CCDC178: variants seen among roughly 807,000 people sequenced by gnomAD.
CCDC178 encodes the protein coiled-coil domain-containing protein 178.
CCDC178 carries 126 observed loss-of-function variants against 117.4 expected under a neutral mutation model. The ratio of observed to expected loss-of-function variants is 1.07; its 90% CI spans 0.93 to 1.24. The LOEUF (loss-of-function observed/expected upper bound fraction) is 1.24. Ranked by LOEUF, CCDC178 falls within the 50% of genes most tolerant of loss-of-function variation. CCDC178 has a pLI of 0.00. For missense variants in CCDC178, 1,030 were observed against 986.9 expected, an observed-to-expected ratio of 1.04 and a Z score of -0.59; for synonymous variants, 283 against 313.4, an observed-to-expected ratio of 0.90 and a Z score of 1.02.
intron 20 of CCDC178, among the ~76,000 whole-genome samples, chr18:33,125,100 C>G (rs545731623): frequency 5.9e-4 from 89 of 152,130 alleles, no homozygotes; most frequent in African/African-American, 2.1e-3. Context: ...TAGTGGGTAT[C>G]TATTTCCCAG....
intron 20 of CCDC178, among the ~76,000 whole-genome samples, chr18:33,126,290 G>T (rs1466046028): frequency 1.3e-5 from 2 of 149,988 alleles, no homozygotes; most frequent in Non-Finnish European, 1.5e-5. Context: ...ACAGTATGTA[G>T]TATTATTTGG....
chr18:33,330,084 A>G (rs1359311395), intron 10 of CCDC178, among the ~76,000 whole-genome samples: 1 of 151,382 alleles, frequency 6.6e-6, no homozygotes, highest in East Asian at 1.9e-4. Context: ...ATTTGTTGGC[A>G]AGAATTTTTA....
chr18:32,953,319 ATTTTGG>A lies in CCDC178; in HGVS notation c.2524-15234_2524-15229del, dbSNP rs552497044. On this transcript the variant is annotated intron_variant, in intron 22 of 22. Coordinates refer to ENST00000383096, the MANE Select transcript of CCDC178 (RefSeq NM_001105528.4). Reference sequence around the variant, plus strand: ...CTTCATTGTCTATATCATTATCAGCATTTTGGTCCAAGCCATTCAACAAGTCTCTAG... The same window carrying A: ...CTTCATTGTCTATATCATTATCAGCATCCAAGCCATTCAACAAGTCTCTAG... Among the ~76,000 whole-genome samples the A allele has an allele frequency of 2.6e-4, 39 of 152,284 alleles. No individual in the cohort carries two copies. The Middle Eastern group carries it at 0.01, about 40-fold the overall frequency.
At chr18:33,285,090 C>T (rs891385284) in intron 12 of CCDC178, among the ~76,000 whole-genome samples, 2 of 151,906 alleles carry the variant, frequency 1.3e-5, no homozygotes, top group Non-Finnish European at 2.9e-5. Flanking sequence ...ATCTAAAAAT[C>T]GTTTCTTTTT....
At chr18:33,023,305 A>G (rs2056159668) in intron 21 of CCDC178, among the ~76,000 whole-genome samples, 1 of 152,180 alleles carries the variant, frequency 6.6e-6, no homozygotes, top group Admixed American at 6.5e-5. Context: ...CCCATGGAAC[A>G]TATACTATGA....
chr18:33,196,228 C>A (rs466500), intron 20 of CCDC178, among the ~76,000 whole-genome samples: 24,492 of 152,060 alleles, frequency 0.16, 2,748 homozygotes, highest in African/African-American at 0.32. Flanking sequence ...TAAAGGTCAG[C>A]CACAGGGGCA....
At chr18:33,393,333 A>T (rs9953606) in intron 4 of CCDC178, among the ~76,000 whole-genome samples, 2,370 of 152,314 alleles carry the variant, frequency 0.016, 59 homozygotes, top group African/African-American at 0.053. Context: ...ATACATAAAA[A>T]TGTTTTAATG....
rs114684318 is a variant in CCDC178, at chr18:32,990,161, C to A, written c.2389-15480G>T. On this transcript the variant is annotated intron_variant, in intron 21 of 22. Coordinates refer to ENST00000383096, the MANE Select transcript of CCDC178 (RefSeq NM_001105528.4). ...AAATATGTAAGGAACCATGGCCATG[C>A]CTATGAAGAATCAATGTCATAATGT... 9.3e-3 allele frequency among the ~76,000 whole-genome samples: 1,411 copies of A among 152,116 alleles called. 22 individuals are homozygous for A. Among genetic ancestry groups the A allele is most frequent in the African/African-American group, 0.033 (1,355 of 41,518 alleles).
chr18:33,226,235 T>C lies in CCDC178; in HGVS notation c.1656+558A>G, dbSNP rs142643805. ...TTGACTCTTGTTTTTTTTCTTATAA[T>C]AATAATACTAATTTCAAATATGTAA... On this transcript the variant is annotated intron_variant, in intron 16 of 22. Coordinates refer to ENST00000383096, the MANE Select transcript of CCDC178 (RefSeq NM_001105528.4). Among the ~76,000 whole-genome samples the C allele has an allele frequency of 1.6e-3, 242 of 152,240 alleles. 1 individual carries two copies. The highest frequency in any genetic ancestry group is 5.4e-3 in the African/African-American group (226 of 41,562).
intron 4 of CCDC178, among the ~76,000 whole-genome samples, chr18:33,390,154 G>A (rs979127709): frequency 5.7e-4 from 87 of 151,312 alleles, no homozygotes; most frequent in African/African-American, 2.0e-3. Context: ...GTAATTGCTA[G>A]ATTAAGAAAC....
At chr18:33,109,471 A>G (rs2057751666) in intron 20 of CCDC178, among the ~76,000 whole-genome samples, 1 of 151,636 alleles carries the variant, frequency 6.6e-6, no homozygotes, top group Non-Finnish European at 1.5e-5. Flanking sequence ...TCTACTCATT[A>G]AAGTCTATAT....
At chr18:33,419,644 A>C (rs189400292) in intron 2 of CCDC178, among the ~76,000 whole-genome samples, 1 of 152,174 alleles carries the variant, frequency 6.6e-6, no homozygotes, top group African/African-American at 2.4e-5. Context: ...TAGACTTTTC[A>C]AAAAAAAGAA....
intron 18 of CCDC178, among the ~76,000 whole-genome samples, chr18:33,221,970 A>G (rs556038269): frequency 7.9e-5 from 12 of 152,114 alleles, no homozygotes; most frequent in Non-Finnish European, 1.6e-4. Context: ...TAGTCAAATT[A>G]TATGATACAA....
intron 21 of CCDC178, among the ~76,000 whole-genome samples, chr18:32,991,354 A>G (rs1038277740): frequency 6.6e-6 from 1 of 152,180 alleles, no homozygotes; most frequent in African/African-American, 2.4e-5. Flanking sequence ...GGGCCAGGAT[A>G]ACTATGCCTA....
chr18:33,305,299 T>C (rs2062233472), intron 11 of CCDC178, among the ~76,000 whole-genome samples: 1 of 152,154 alleles, frequency 6.6e-6, no homozygotes, highest in Admixed American at 6.5e-5. Context: ...TAATATATCA[T>C]TGTTGTGAGG....
chr18:33,251,789 A>C (rs923633803), intron 14 of CCDC178, among the ~76,000 whole-genome samples: 5 of 151,708 alleles, frequency 3.3e-5, no homozygotes, highest in African/African-American at 1.2e-4. Context: ...AGGGCCCACC[A>C]AACCAGGATC....
chr18:33,305,130 C>T (rs1001706544), intron 11 of CCDC178, among the ~76,000 whole-genome samples: 8 of 152,146 alleles, frequency 5.3e-5, no homozygotes, highest in African/African-American at 1.9e-4. Context: ...AAACTGGTGA[C>T]CCAGCATCTG....
chr18:33,141,824 T>A (rs974649097), intron 20 of CCDC178, among the ~76,000 whole-genome samples: 7 of 152,196 alleles, frequency 4.6e-5, no homozygotes, highest in Admixed American at 4.6e-4. Context: ...GAGATGCCAA[T>A]GTAAGTTTCA....
At chr18:33,108,272 T>A (rs922397164) in intron 20 of CCDC178, among the ~76,000 whole-genome samples, 3 of 151,092 alleles carry the variant, frequency 2.0e-5, no homozygotes, top group African/African-American at 7.3e-5. Context: ...GCATATGAAG[T>A]TTTCTGTCAT....
Sources: allele counts gnomAD v4.1 joint callset (sites outside exome capture counted in the v4.1 genomes callset), GRCh38; gene constraint gnomAD v4.1.1; transcripts MANE v1.5; gene names NCBI Gene and HGNC (gene_info 2026-07-23, HGNC 2026-07-21).